TBC1D2B: variants seen among roughly 807,000 people sequenced by gnomAD.
TBC1D2B encodes TBC1 domain family, member 2B.
Under a neutral mutation model 100.8 loss-of-function variants are expected in TBC1D2B, and 64 were observed. The ratio of observed to expected loss-of-function variants is 0.64; its 90% confidence interval spans 0.52 to 0.78. The LOEUF (loss-of-function observed/expected upper bound fraction) is 0.78, where lower values mean the gene tolerates loss of function less well. Among genes scored for constraint, TBC1D2B ranks in the 30% least tolerant of loss-of-function variants. The probability of loss-of-function intolerance (pLI) is 0.00; values close to 1 mark genes in which losing one functional copy is unlikely to be tolerated. For missense variants in TBC1D2B, 1,052 were observed against 1,218.4 expected (o/e 0.86, Z 2.03); for synonymous variants, 480 against 479.7 (o/e 1.00, Z -0.01).
Position 78,030,172 on chromosome 15 carries a change from T to TG in TBC1D2B, c.684-3dup, listed in dbSNP as rs767797423. The TG allele has an allele frequency of 5.4e-5, 87 of 1,608,526 alleles. No individual in the cohort carries two copies. Among genetic ancestry groups the TG allele is most frequent in the Non-Finnish European group, 7.0e-5 (82 of 1,177,778 alleles). On this transcript the variant is annotated splice_polypyrimidine_tract_variant and splice_region_variant and intron_variant, in intron 3 of 12. Coordinates refer to ENST00000300584, the MANE Select transcript of TBC1D2B (RefSeq NM_144572.2). ...GGACGGAAAGAAGACATCGAATTCC[T>TG]GTTGGGAAAAACAATATGTGTTATT...
At chr15:78,000,048 G>C (rs2071869031) in intron 12 of TBC1D2B, among the ~76,000 whole-genome samples, 1 of 152,190 alleles carries the variant, frequency 6.6e-6, no homozygotes, top group African/African-American at 2.4e-5. Flanking sequence ...ACTAGTCTGG[G>C]GAGCTCATTA....
intron 1 of TBC1D2B, among the ~76,000 whole-genome samples, chr15:78,059,246 C>CAGAG (rs1219152307): frequency 6.6e-6 from 1 of 152,240 alleles, no homozygotes; most frequent in African/African-American, 2.4e-5. Flanking sequence ...TCCTTAAAGG[C>CAGAG]AGAGACCAGA....
intron 1 of TBC1D2B, among the ~76,000 whole-genome samples, chr15:78,061,280 T>A (rs542800861): frequency 3.3e-5 from 5 of 149,652 alleles, no homozygotes; most frequent in Admixed American, 2.0e-4. Context: ...CTTAAAAATA[T>A]AATAATAATA....
At chr15:78,032,231 G>C (rs2072833807) in intron 3 of TBC1D2B, among the ~76,000 whole-genome samples, 2 of 152,182 alleles carry the variant, frequency 1.3e-5, no homozygotes, top group Admixed American at 6.5e-5. Context: ...ACCAGTCAGA[G>C]TGGAAAACCT....
rs749790935 is a variant in TBC1D2B at position 78,013,093 on chromosome 15, T to C, written c.2000A>G (p.His667Arg). Residue 667 changes from histidine (H) to arginine (R), a missense_variant, in exon 9 of 13, where the codon CAC (histidine) becomes CGC (arginine). Physicochemically the swap from His to Arg is conservative, Grantham distance 29. Transcript: ENST00000300584. ...ACACCACTTCCACACCTTGGAACGG[T>C]GCTCGTGGGGAATGCCCGCACGGAT... ...NLIRAGIPHE[H>R]RSKVWKWCVD... 5.6e-6 allele frequency: 9 copies of C among 1,613,942 alleles called. No homozygotes were observed. Among genetic ancestry groups the C allele is most frequent in the Non-Finnish European group, 5.9e-6 (7 of 1,179,868 alleles).
At chr15:78,005,925 T>C (rs1193348141) in intron 10 of TBC1D2B, among the ~76,000 whole-genome samples, 3 of 152,270 alleles carry the variant, frequency 2.0e-5, no homozygotes, top group Admixed American at 1.3e-4. Flanking sequence ...TCTTCCCCTA[T>C]AACAATACTA....
intron 3 of TBC1D2B, among the ~76,000 whole-genome samples, chr15:78,036,757 T>C (rs1411955314): frequency 1.3e-5 from 2 of 152,216 alleles, no homozygotes; most frequent in Non-Finnish European, 2.9e-5. Context: ...TTATGGTCAC[T>C]TGTTATAGCA....
chr15:78,003,580 G>C, intron 10 of TBC1D2B, 90 bp from the exon 11 acceptor site: 1 of 962,556 alleles, frequency 1.0e-6, no homozygotes, highest in East Asian at 2.6e-5. Flanking sequence ...GAGCCTGGGG[G>C]TGGAGCCCAA....
chr15:78,069,157 C>T (rs2073707534), intron 1 of TBC1D2B, among the ~76,000 whole-genome samples: 1 of 152,206 alleles, frequency 6.6e-6, no homozygotes, highest in Non-Finnish European at 1.5e-5. Context: ...GGAGCTGGTA[C>T]ATCTGAATAC....
At chr15:78,064,979 T>G (rs1334872543) in intron 1 of TBC1D2B, among the ~76,000 whole-genome samples, 1 of 152,180 alleles carries the variant, frequency 6.6e-6, no homozygotes. Flanking sequence ...AATAATTGTA[T>G]CTTATTAAAA....
Position 78,077,446 on chromosome 15 carries a change from A to T in TBC1D2B, c.207T>A (p.Tyr69Ter). The stretch of plus-strand genomic sequence containing the variant: ...GCAGCGCGTCCTGCGGACTCTTGAA[A>T]TAGTAAAGGTAGCAGCGGCGCGCGT... ...VFDARRCYLY[Y>*]FKSPQDALPL... Residue 69 changes from tyrosine to a stop codon, truncating the protein, a stop_gained, in exon 1 of 13, where the codon TAT becomes TAA. Coordinates refer to ENST00000300584, the MANE Select transcript of TBC1D2B (RefSeq NM_144572.2). LOFTEE classifies it high-confidence loss of function. 1 of 1,543,832 alleles carries T rather than the reference A, an allele frequency of 6.5e-7. No individual in the cohort carries two copies. The highest frequency in any genetic ancestry group is 8.7e-7 in the Non-Finnish European group (1 of 1,144,552).
intron 3 of TBC1D2B, among the ~76,000 whole-genome samples, chr15:78,033,234 G>A (rs561832868): frequency 1.3e-5 from 2 of 152,314 alleles, no homozygotes; most frequent in South Asian, 4.1e-4. Flanking sequence ...GTGCTGAGGA[G>A]AGGACATGCT....
intron 3 of TBC1D2B, among the ~76,000 whole-genome samples, chr15:78,037,599 C>A (rs185082152): frequency 6.6e-6 from 1 of 151,880 alleles, no homozygotes; most frequent in African/African-American, 2.4e-5. Context: ...ATCCTCAGCC[C>A]CATCCCATAG....
At chr15:78,029,580 G>C (rs917181623) in intron 4 of TBC1D2B, among the ~76,000 whole-genome samples, 1 of 152,168 alleles carries the variant, frequency 6.6e-6, no homozygotes, top group Non-Finnish European at 1.5e-5. Context: ...TAATAATCCA[G>C]CTGACAGTGG....
intron 10 of TBC1D2B, among the ~76,000 whole-genome samples, chr15:78,004,880 G>A (rs2141628138): frequency 6.6e-6 from 1 of 152,258 alleles, no homozygotes; most frequent in South Asian, 2.1e-4. Context: ...ACATGTAAGT[G>A]GACCCATGCA....
rs777179846 is a variant in TBC1D2B at position 78,009,027 on chromosome 15, G to A, written c.2358C>T (p.Asp786=). The A allele has an allele frequency of 2.4e-5, 38 of 1,603,584 alleles. 1 individual carries two copies. The South Asian group carries it at 3.8e-4, about 16-fold the overall frequency. Residue 786 remains aspartate (D), a synonymous_variant, in exon 10 of 13, where the codon GAC becomes GAT. Transcript: ENST00000300584. ...VTIVEVFMPR[D]YYTKTLLGSQ... ...ATCCTAAAAGAGTCTTTGTATAATA[G>A]TCTCGAGGCATGAAAACTTCCACTA...
At chr15:78,016,858 G>A in intron 7 of TBC1D2B, 119 bp from the exon 8 acceptor site, 1 of 780,990 alleles carries the variant, frequency 1.3e-6, no homozygotes, top group South Asian at 2.1e-5. Context: ...GCCAGAGACA[G>A]ACTGTAGCAA....
chr15:78,058,463 C>T (rs974963480), intron 1 of TBC1D2B, among the ~76,000 whole-genome samples: 3 of 152,204 alleles, frequency 2.0e-5, no homozygotes, highest in Non-Finnish European at 4.4e-5. Context: ...TCTTTAGGAA[C>T]CCAGGCATCT....
At chr15:78,001,573 C>T (rs1319195440) in intron 12 of TBC1D2B, 46 bp downstream of exon 12, 1 of 1,568,870 alleles carries the variant, frequency 6.4e-7, no homozygotes, top group South Asian at 1.2e-5. Flanking sequence ...AGGCAGGGGT[C>T]AGGCTTCCTG....
Sources: allele counts gnomAD v4.1 joint callset (sites outside exome capture counted in the v4.1 genomes callset), GRCh38; gene constraint gnomAD v4.1.1; transcripts MANE v1.5; gene names NCBI Gene and HGNC (gene_info 2026-07-23, HGNC 2026-07-21).